Variants in ZSCAN25 observed in about 807,000 individuals in gnomAD.
ZSCAN25 encodes zinc finger and SCAN domain containing 25.
ZSCAN25 carries 27 observed loss-of-function variants against 38.7 expected under a neutral mutation model. The observed-to-expected ratio is 0.70, with a 90% CI of 0.51 to 0.96. The LOEUF (loss-of-function observed/expected upper bound fraction) is 0.96, where lower values mean the gene tolerates loss of function less well. Ranked by LOEUF, ZSCAN25 falls within the 40% of genes least tolerant of loss-of-function variation. The probability of loss-of-function intolerance (pLI) is 0.00; values close to 1 mark genes in which losing one functional copy is unlikely to be tolerated. For missense variants in ZSCAN25, 637 were observed against 705.9 expected (o/e 0.90, Z 1.11); for synonymous variants, 273 against 277.7 (o/e 0.98, Z 0.17).
chr7:99,736,895 G>C, the ZSCAN25 span, among the ~76,000 whole-genome samples: 2 of 152,092 alleles, frequency 1.3e-5, no homozygotes, highest in African/African-American at 2.4e-5. Context: ...ATGTTCCTTG[G>C]GGACAGCCTA....
chr7:99,718,532 T>C, the ZSCAN25 span, among the ~76,000 whole-genome samples: 1 of 152,130 alleles, frequency 6.6e-6, no homozygotes, highest in Non-Finnish European at 1.5e-5. Context: ...GGAGAGAAAA[T>C]TCCTCCATTT....
the ZSCAN25 span, among the ~76,000 whole-genome samples, chr7:99,653,531 A>C: frequency 6.6e-6 from 1 of 152,170 alleles, no homozygotes; most frequent in South Asian, 2.1e-4. The surrounding 1 kb of genome is among the most constrained non-coding windows in gnomAD (Gnocchi z 4.2). Context: ...CGACAAAATA[A>C]ATTTATGATT....
the ZSCAN25 span, chr7:99,638,374 G>T: frequency 3.1e-6 from 5 of 1,600,034 alleles, no homozygotes; most frequent in Admixed American, 1.7e-5. Flanking sequence ...ATCTTGTGGG[G>T]TTTCATGGCA....
the ZSCAN25 span, among the ~76,000 whole-genome samples, chr7:99,711,165 T>A: frequency 6.6e-6 from 1 of 152,190 alleles, no homozygotes; most frequent in African/African-American, 2.4e-5. Flanking sequence ...AGCTGGGTAA[T>A]TTCCAGAGAG....
At chr7:99,646,737 T>C in the ZSCAN25 span, among the ~76,000 whole-genome samples, 1 of 152,010 alleles carries the variant, frequency 6.6e-6, no homozygotes, top group Admixed American at 6.6e-5. Context: ...AGTATACTCA[T>C]TGCTATTGAA....
the ZSCAN25 span, chr7:99,662,793 C>A: frequency 1.3e-5 from 21 of 1,606,870 alleles, no homozygotes; most frequent in Admixed American, 3.5e-4. The surrounding 1 kb of genome is among the most constrained non-coding windows in gnomAD (Gnocchi z 4.3). Context: ...CGCCAGTAGC[C>A]CTCAGAAGCA....
chr7:99,616,994 G>C lies in ZSCAN25; in HGVS notation c.-281G>C, dbSNP rs1331333464. ...TAGCACTGGCGACCCTAGCGGGTGA[G>C]AGGCCCTTCAGGGCCGCGGCGGGTG... On this transcript the variant is annotated 5_prime_UTR_variant, in exon 1 of 8. Coordinates refer to ENST00000394152, the MANE Select transcript of ZSCAN25 (RefSeq NM_145115.3). 1 of 152,262 alleles carries C rather than the reference G, an allele frequency of 6.6e-6. No individual in the cohort carries two copies. Among genetic ancestry groups the C allele is most frequent in the Non-Finnish European group, 1.5e-5 (1 of 68,066 alleles). The allele number at this position is 152,262 out of a possible 1,614,324, so 9.4% of individuals were successfully genotyped here. A position where few individuals can be genotyped will look rare whatever the true frequency, so the allele number is the denominator to read the frequency against.
the ZSCAN25 span, chr7:99,731,046 C>CA: frequency 6.2e-7 from 1 of 1,613,464 alleles, no homozygotes. Flanking sequence ...AGAGGAAGCT[C>CA]AAAAACACTC....
chr7:99,693,687 A>G, the ZSCAN25 span, among the ~76,000 whole-genome samples: 1 of 152,220 alleles, frequency 6.6e-6, no homozygotes, highest in Non-Finnish European at 1.5e-5. Context: ...GCAGTGAGCA[A>G]GTCTCCGTGG....
At chr7:99,718,647 C>T in the ZSCAN25 span, among the ~76,000 whole-genome samples, 1 of 152,030 alleles carries the variant, frequency 6.6e-6, no homozygotes, top group Non-Finnish European at 1.5e-5. Context: ...AAATTCAACA[C>T]ATTTATTTGA....
chr7:99,619,951 C>T lies in ZSCAN25; in HGVS notation c.345C>T (p.Ala115=). Residue 115 remains alanine, a synonymous_variant, in exon 4 of 8, where the codon GCC becomes GCT. Coordinates refer to ENST00000394152, the MANE Select transcript of ZSCAN25 (RefSeq NM_145115.3). ...CAGAGAGTGGCAAGGCCCTGGCCGCCATGGTGGAGGACCTGACAGAAAGAG... is the reference window on the plus strand; with the variant it reads ...CAGAGAGTGGCAAGGCCCTGGCCGCTATGGTGGAGGACCTGACAGAAAGAG... ...HGPESGKALA[A]MVEDLTERAL... 1 of 1,614,088 alleles carries T rather than the reference C, an allele frequency of 6.2e-7. No individual in the cohort carries two copies. Among genetic ancestry groups the T allele is most frequent in the South Asian group, 1.1e-5 (1 of 91,080 alleles).
At chr7:99,644,354 A>G in the ZSCAN25 span, among the ~76,000 whole-genome samples, 1 of 152,106 alleles carries the variant, frequency 6.6e-6, no homozygotes, top group Admixed American at 6.5e-5. Flanking sequence ...AGAACTCTGG[A>G]GGGGAAAGAA....
At chr7:99,737,430 C>G in the ZSCAN25 span, among the ~76,000 whole-genome samples, 1 of 152,150 alleles carries the variant, frequency 6.6e-6, no homozygotes, top group African/African-American at 2.4e-5. Flanking sequence ...AGGACTCCAT[C>G]TCAGCAGGGA....
the ZSCAN25 span, among the ~76,000 whole-genome samples, chr7:99,675,239 G>A: frequency 6.6e-6 from 1 of 152,210 alleles, no homozygotes; most frequent in East Asian, 1.9e-4. Flanking sequence ...CGTGCTCTGA[G>A]CTTTCACTTC....
chr7:99,649,562 CAG>C, the ZSCAN25 span, among the ~76,000 whole-genome samples: 76 of 152,254 alleles, frequency 5.0e-4, no homozygotes, highest in African/African-American at 1.8e-3. Context: ...GAGAACTAAT[CAG>C]GGGTTCACCC....
chr7:99,661,487 G>T, the ZSCAN25 span, among the ~76,000 whole-genome samples: 1 of 152,168 alleles, frequency 6.6e-6, no homozygotes, highest in Non-Finnish European at 1.5e-5. Context: ...CTGATGAATG[G>T]CATTAAAATA....
chr7:99,708,598 T>A, the ZSCAN25 span, among the ~76,000 whole-genome samples: 1 of 152,164 alleles, frequency 6.6e-6, no homozygotes. Context: ...TGGAAAGCAG[T>A]GTCATCACTG....
At chr7:99,677,159 A>G in the ZSCAN25 span, 3 of 985,200 alleles carry the variant, frequency 3.0e-6, no homozygotes, top group Non-Finnish European at 3.6e-6. Context: ...ATCTTTCATG[A>G]GTCATGTGCA....
chr7:99,728,817 C>A, the ZSCAN25 span, among the ~76,000 whole-genome samples: 1 of 152,246 alleles, frequency 6.6e-6, no homozygotes, highest in East Asian at 1.9e-4. Flanking sequence ...GGTATTTCAA[C>A]TTCTGTCACA....
Sources: gnomAD v4.1 joint callset for allele counts (sites outside exome capture counted in the v4.1 genomes callset) on GRCh38, gnomAD v4.1.1 for gene constraint, Gnocchi (gnomAD v3.1) non-coding constraint, MANE v1.5 for transcripts, NCBI Gene and HGNC (gene_info 2026-07-23, HGNC 2026-07-21) for gene names.